The following TSNARE1 variants were observed in gnomAD, a reference collection of about 807,000 sequenced individuals.
TSNARE1 encodes the protein t-SNARE domain containing 1.
In TSNARE1, 49 loss-of-function variants were observed where a neutral mutation model predicts 62.0. The ratio of observed to expected loss-of-function variants is 0.79; its 90% CI spans 0.63 to 1.00. TSNARE1 has a LOEUF of 1.00. Among genes scored for constraint, TSNARE1 ranks in the 50% least tolerant of loss-of-function variants. The pLI is 0.00. For synonymous variants in TSNARE1, 328 were observed against 294.4 expected (o/e 1.11, Z -1.17); for missense variants, 755 against 700.1 (o/e 1.08, Z -0.88).
intron 12 of TSNARE1, among the ~76,000 whole-genome samples, chr8:142,262,248 T>A (rs2130409255): frequency 6.6e-6 from 1 of 152,246 alleles, no homozygotes; most frequent in South Asian, 2.1e-4. Context: ...ACTATCAGAA[T>A]TTTGATTGGA....
At position 142,319,758 on chromosome 8, in the gene TSNARE1, G is replaced by A. The variant is rs1245008293; in HGVS notation, c.894-1124C>T. Among the ~76,000 whole-genome samples the A allele has an allele frequency of 6.6e-6, 1 of 152,050 alleles. No individual in the cohort carries two copies. The highest frequency in any genetic ancestry group is 1.5e-5 in the Non-Finnish European group (1 of 67,994). ...ACCTCCTGATACCCACCCTGGGCGGGCAGAGCCTGTGGCACACAGAGGAGT... is the reference window on the plus strand; with the variant it reads ...ACCTCCTGATACCCACCCTGGGCGGACAGAGCCTGTGGCACACAGAGGAGT... On this transcript the variant is annotated intron_variant, in intron 6 of 13. Coordinates refer to ENST00000524325, the MANE Select transcript of TSNARE1 (RefSeq NM_145003.5). The surrounding 1 kb of genome is among the most constrained non-coding windows in gnomAD (Gnocchi z 4.9).
rs1815803760 is a variant in TSNARE1 at position 142,215,771 on chromosome 8, T to A, written c.*12-3458A>T. Among the ~76,000 whole-genome samples, 4 of 152,138 alleles carry A rather than the reference T, an allele frequency of 2.6e-5. 1 individual carries two copies. ...GCAGTGGCAGCCCCATGTGGGCACCTTTGCTGAGGCTGCCAGCTCAGCCCC... is the reference window on the plus strand; with the variant it reads ...GCAGTGGCAGCCCCATGTGGGCACCATTGCTGAGGCTGCCAGCTCAGCCCC... On this transcript the variant is annotated intron_variant, in intron 13 of 13. Transcript: ENST00000524325.
chr8:142,311,955 C>CCA (rs142906966), intron 9 of TSNARE1, among the ~76,000 whole-genome samples: 2,885 of 152,286 alleles, frequency 0.019, 30 homozygotes, highest in East Asian at 0.039. Flanking sequence ...AAAGTCTATA[C>CCA]CATTTACTAT....
chr8:142,373,832 G>C (rs1458319735), intron 1 of TSNARE1, among the ~76,000 whole-genome samples: 1 of 152,118 alleles, frequency 6.6e-6, no homozygotes, highest in East Asian at 1.9e-4. Context: ...GCTAGGCAGG[G>C]GAGCGGGGAA....
chr8:142,276,137 C>G (rs975641990), intron 11 of TSNARE1: 4 of 985,314 alleles, frequency 4.1e-6, no homozygotes, highest in African/African-American at 1.7e-5. Context: ...CATCTGGGGG[C>G]TCCTGCCCTA....
chr8:142,294,530 G>A (rs544149243), intron 10 of TSNARE1, among the ~76,000 whole-genome samples: 1 of 152,332 alleles, frequency 6.6e-6, no homozygotes, highest in South Asian at 2.1e-4. Context: ...TGGCGGCCCT[G>A]CTGTGTGGCC....
intron 10 of TSNARE1, among the ~76,000 whole-genome samples, chr8:142,286,120 C>A (rs1240736990): frequency 6.6e-6 from 1 of 152,190 alleles, no homozygotes; most frequent in Non-Finnish European, 1.5e-5. Context: ...AGATGCATGG[C>A]CCTGGGCAAG....
At chr8:142,405,502 G>A (rs77733219), upstream of TSNARE1, 2,248 of 152,320 alleles carry the variant, frequency 0.015, 36 homozygotes, top group Middle Eastern at 0.03. Context: ...ACCATTCCAG[G>A]TCCCAGAGGG....
chr8:142,360,199 C>T (rs1465195794), intron 1 of TSNARE1, among the ~76,000 whole-genome samples: 1 of 152,008 alleles, frequency 6.6e-6, no homozygotes, highest in Non-Finnish European at 1.5e-5. Context: ...GGGCAGGGGA[C>T]CCAGCCAAGG....
chr8:142,403,506 G>A (rs1838462979), upstream of TSNARE1: 1 of 152,120 alleles, frequency 6.6e-6, no homozygotes, highest in African/African-American at 2.4e-5. Flanking sequence ...GCCGAGCCCG[G>A]ACCTCACACG....
intron 5 of TSNARE1, among the ~76,000 whole-genome samples, chr8:142,331,504 TACCCGGCCCTG>T (rs557110808): frequency 1.5e-3 from 232 of 152,268 alleles, no homozygotes; most frequent in African/African-American, 5.2e-3. Context: ...GCGGGAGCGG[TACCCGGCCCTG>T]ACCCAGCCCT....
chr8:142,312,657 T>TA (rs1290299922), intron 9 of TSNARE1, among the ~76,000 whole-genome samples: 55 of 152,200 alleles, frequency 3.6e-4, no homozygotes, highest in Admixed American at 1.3e-3. Flanking sequence ...CTTGACTTCT[T>TA]AGACTCTCAC....
In TSNARE1 at chr8:142,344,387, C is replaced by A. The variant is rs769571129; in HGVS notation, c.324G>T (p.Gly108=). 6 of 1,578,688 alleles carry A rather than the reference C, an allele frequency of 3.8e-6. No homozygotes were observed. The highest frequency in any genetic ancestry group is 1.2e-5 in the South Asian group (1 of 86,372). The change falls in exon 4 of 14, where the codon GGG becomes GGT. Residue 108 remains glycine (G), a synonymous_variant. Transcript: ENST00000524325. ...TIGPRKDSAA[G]PHGRMAGPST... ...TGGGCCCCGCCATCCGGCCATGGGG[C>A]CCAGCAGCCGAGTCCTTCCTCGGGC...
chr8:142,375,803 T>G (rs535329254), intron 1 of TSNARE1, among the ~76,000 whole-genome samples: 1 of 152,312 alleles, frequency 6.6e-6, no homozygotes, highest in South Asian at 2.1e-4. Context: ...AGCAAGAGCC[T>G]GCTTGCTCCC....
chr8:142,311,953 T>C (rs1401041979), intron 9 of TSNARE1, among the ~76,000 whole-genome samples: 2 of 152,040 alleles, frequency 1.3e-5, no homozygotes, highest in African/African-American at 4.8e-5. Flanking sequence ...TAAAAGTCTA[T>C]ACCATTTACT....
intron 11 of TSNARE1, chr8:142,280,022 G>A: frequency 3.3e-6 from 4 of 1,219,718 alleles, no homozygotes; most frequent in Non-Finnish European, 4.1e-6. Context: ...TTGTGCTTGA[G>A]GTCCCCCAGG....
chr8:142,284,377 G>A (rs755299721), intron 11 of TSNARE1, 36 bp downstream of exon 11: 12 of 1,577,618 alleles, frequency 7.6e-6, no homozygotes, highest in Non-Finnish European at 1.0e-5. Context: ...AGGCCCTCGG[G>A]GCAGCAGGTG....
At chr8:142,235,033 T>G (rs536097941) in intron 12 of TSNARE1, among the ~76,000 whole-genome samples, 3 of 151,986 alleles carry the variant, frequency 2.0e-5, no homozygotes, top group Non-Finnish European at 2.9e-5. Flanking sequence ...GGAAAGAAAT[T>G]CACAGAAACG....
At chr8:142,283,184 G>T (rs202129099) in intron 11 of TSNARE1, among the ~76,000 whole-genome samples, 2 of 133,398 alleles carry the variant, frequency 1.5e-5, no homozygotes, top group African/African-American at 5.7e-5. Context: ...GTCAATGAGC[G>T]GAGGTGGGGC....
Sources: allele counts gnomAD v4.1 joint callset (sites outside exome capture counted in the v4.1 genomes callset), GRCh38; gene constraint gnomAD v4.1.1; non-coding constraint Gnocchi (gnomAD v3.1); transcripts MANE v1.5; gene names NCBI Gene and HGNC (gene_info 2026-07-23, HGNC 2026-07-21).